The following GHR variants were observed in gnomAD, a reference collection of about 807,000 sequenced individuals.
GHR encodes GH receptor.
Under a neutral mutation model 67.1 loss-of-function variants are expected in GHR, and 35 were observed. The observed-to-expected ratio is 0.52, with a 90% CI of 0.40 to 0.69. GHR has a LOEUF of 0.69. Among genes scored for constraint, GHR ranks in the 30% least tolerant of loss-of-function variants. The pLI is 0.00. For missense variants in GHR, 792 were observed against 764.6 expected, an observed-to-expected ratio of 1.04 and a Z score of -0.42; for synonymous variants, 272 against 269.1, an observed-to-expected ratio of 1.01 and a Z score of -0.10.
intron 3 of GHR, among the ~76,000 whole-genome samples, chr5:42,679,558 G>A (rs1176213384): frequency 6.6e-6 from 1 of 151,974 alleles, no homozygotes; most frequent in East Asian, 1.9e-4. Flanking sequence ...CCAGGAGGTG[G>A]AGGTTGCAGT....
At chr5:42,496,928 G>C (rs1473758789) in intron 1 of GHR, among the ~76,000 whole-genome samples, 1 of 152,156 alleles carries the variant, frequency 6.6e-6, no homozygotes, top group African/African-American at 2.4e-5. Flanking sequence ...TGCAGAAGAG[G>C]AACACTTTGC....
At chr5:42,636,863 A>G (rs1754219571) in intron 3 of GHR, among the ~76,000 whole-genome samples, 1 of 152,208 alleles carries the variant, frequency 6.6e-6, no homozygotes, top group Non-Finnish European at 1.5e-5. Flanking sequence ...ATGCAATATA[A>G]GGTAATATAT....
chr5:42,616,484 G>C (rs1485354752), intron 2 of GHR, among the ~76,000 whole-genome samples: 1 of 151,984 alleles, frequency 6.6e-6, no homozygotes, highest in Non-Finnish European at 1.5e-5. Context: ...AGGAAGAACA[G>C]TTTTTTTCAG....
chr5:42,486,300 A>C (rs1382371302), intron 1 of GHR, among the ~76,000 whole-genome samples: 1 of 152,054 alleles, frequency 6.6e-6, no homozygotes, highest in Admixed American at 6.6e-5. Context: ...ATCCCATCTC[A>C]TTTCATCTAT....
chr5:42,458,450 C>A (rs569312756), intron 1 of GHR, among the ~76,000 whole-genome samples: 38 of 148,818 alleles, frequency 2.6e-4, no homozygotes, highest in African/African-American at 9.3e-4. Flanking sequence ...AGCTGGACCC[C>A]TCCTTACACC....
intron 3 of GHR, among the ~76,000 whole-genome samples, chr5:42,642,556 T>C (rs759803263): frequency 1.2e-4 from 18 of 152,088 alleles, no homozygotes; most frequent in Non-Finnish European, 2.5e-4. Flanking sequence ...GAAGTGGTGG[T>C]TCTAGGTAGG....
At chr5:42,589,363 A>G (rs1003032118) in intron 2 of GHR, among the ~76,000 whole-genome samples, 5 of 152,194 alleles carry the variant, frequency 3.3e-5, no homozygotes, top group Non-Finnish European at 7.4e-5. Context: ...TATTGGCTTT[A>G]TACTAAAGTT....
chr5:42,666,982 A>T (rs1056183931), intron 3 of GHR, among the ~76,000 whole-genome samples: 2 of 152,162 alleles, frequency 1.3e-5, no homozygotes, highest in Non-Finnish European at 2.9e-5. Flanking sequence ...AACCATGGCT[A>T]TTCTATTGTT....
intron 1 of GHR, among the ~76,000 whole-genome samples, chr5:42,532,565 C>A (rs551908974): frequency 1.3e-5 from 2 of 152,158 alleles, no homozygotes; most frequent in African/African-American, 4.8e-5. Flanking sequence ...TCTCTGCCAC[C>A]CCAGAGAAAA....
intron 1 of GHR, among the ~76,000 whole-genome samples, chr5:42,561,234 G>A (rs1210668923): frequency 6.6e-6 from 1 of 152,108 alleles, no homozygotes; most frequent in Non-Finnish European, 1.5e-5. Context: ...TTTGATAGCT[G>A]ATTTTTCCCT....
chr5:42,545,707 A>G (rs1035261348), intron 1 of GHR, among the ~76,000 whole-genome samples: 1 of 152,216 alleles, frequency 6.6e-6, no homozygotes, highest in Non-Finnish European at 1.5e-5. Context: ...ATTGCTCAGT[A>G]TAAAACTTGT....
intron 2 of GHR, among the ~76,000 whole-genome samples, chr5:42,600,389 T>C (rs1427852045): frequency 6.6e-6 from 1 of 152,212 alleles, no homozygotes; most frequent in Non-Finnish European, 1.5e-5. Context: ...CATAAGGAGC[T>C]CTGGCTCTGG....
chr5:42,671,163 T>C (rs930688245), intron 3 of GHR, among the ~76,000 whole-genome samples: 7 of 152,120 alleles, frequency 4.6e-5, no homozygotes, highest in Admixed American at 1.3e-4. Flanking sequence ...AAGGCTTAAT[T>C]TGTTCATGGT....
At chr5:42,683,628 C>G (rs909570785) in intron 3 of GHR, among the ~76,000 whole-genome samples, 1 of 151,316 alleles carries the variant, frequency 6.6e-6, no homozygotes, top group African/African-American at 2.4e-5. Flanking sequence ...AGCACATACC[C>G]AGCCATAAAA....
intron 1 of GHR, among the ~76,000 whole-genome samples, chr5:42,530,782 C>G (rs781058372): frequency 1.3e-3 from 199 of 152,016 alleles, no homozygotes; most frequent in Non-Finnish European, 2.5e-3. Flanking sequence ...CTTGTTTTTT[C>G]ACTTCTTTCA....
At chr5:42,516,335 A>G (rs1747234754) in intron 1 of GHR, among the ~76,000 whole-genome samples, 1 of 152,234 alleles carries the variant, frequency 6.6e-6, no homozygotes, top group Non-Finnish European at 1.5e-5. Context: ...CCACCAGTTC[A>G]TCTTTATCAT....
At chr5:42,683,882 G>T (rs957698820) in intron 3 of GHR, among the ~76,000 whole-genome samples, 5 of 151,958 alleles carry the variant, frequency 3.3e-5, no homozygotes, top group Non-Finnish European at 7.4e-5. Context: ...TATGCATCTG[G>T]AGTTAAAAGG....
intron 2 of GHR, among the ~76,000 whole-genome samples, chr5:42,596,916 A>T (rs1752098558): frequency 6.6e-6 from 1 of 152,192 alleles, no homozygotes; most frequent in South Asian, 2.1e-4. Context: ...CTCTGCTAGT[A>T]ACCTGTTCTA....
At chr5:42,708,840 G>A (rs574771580) in intron 6 of GHR, among the ~76,000 whole-genome samples, 8 of 152,212 alleles carry the variant, frequency 5.3e-5, no homozygotes, top group South Asian at 2.1e-4. Flanking sequence ...TGCACTTTTC[G>A]TGGCACCTCT....
Sources: gnomAD v4.1 joint callset for allele counts (sites outside exome capture counted in the v4.1 genomes callset) on GRCh38, gnomAD v4.1.1 for gene constraint, MANE v1.5 for transcripts, NCBI Gene and HGNC (gene_info 2026-07-23, HGNC 2026-07-21) for gene names.